The following RABGAP1L variants were observed in gnomAD, a reference collection of about 807,000 sequenced individuals.
RABGAP1L encodes rab GTPase-activating protein 1-like.
In RABGAP1L, 63 loss-of-function variants were observed where a neutral mutation model predicts 137.7. The ratio of observed to expected loss-of-function variants is 0.46; its 90% CI spans 0.37 to 0.56. The LOEUF is 0.56. Among genes scored for constraint, RABGAP1L ranks in the 20% least tolerant of loss-of-function variants. RABGAP1L has a pLI of 0.00. For missense variants in RABGAP1L, 1,095 were observed against 1,244.0 expected, an observed-to-expected ratio of 0.88 and a Z score of 1.80; for synonymous variants, 431 against 433.7, an observed-to-expected ratio of 0.99 and a Z score of 0.08.
chr1:174,576,830 T>C (rs1238698340), intron 13 of RABGAP1L, among the ~76,000 whole-genome samples: 1 of 152,088 alleles, frequency 6.6e-6, no homozygotes, highest in African/African-American at 2.4e-5. Context: ...TCTGTAAAGG[T>C]TATGCAGAAA....
At chr1:174,224,138 G>A (rs1011386230) in intron 3 of RABGAP1L, among the ~76,000 whole-genome samples, 3 of 152,124 alleles carry the variant, frequency 2.0e-5, no homozygotes, top group Non-Finnish European at 2.9e-5. Context: ...GGTAGGAAAA[G>A]CCAAATCACA....
At chr1:174,643,511 A>C (rs1674700133) in intron 14 of RABGAP1L, among the ~76,000 whole-genome samples, 1 of 152,170 alleles carries the variant, frequency 6.6e-6, no homozygotes, top group Admixed American at 6.5e-5. Flanking sequence ...CAAGCAAATT[A>C]ACTTCCTTAC....
intron 13 of RABGAP1L, among the ~76,000 whole-genome samples, chr1:174,394,848 T>C (rs1469924932): frequency 1.3e-5 from 2 of 152,096 alleles, no homozygotes; most frequent in Non-Finnish European, 2.9e-5. Context: ...TTTAGAACTT[T>C]TTATCTGCTG....
chr1:174,915,614 G>A (rs1660734332), intron 19 of RABGAP1L, among the ~76,000 whole-genome samples: 1 of 152,070 alleles, frequency 6.6e-6, no homozygotes, highest in African/African-American at 2.4e-5. Context: ...ACGCCACCAC[G>A]TCCAGCTAAT....
chr1:174,677,638 T>C (rs1677741524), intron 14 of RABGAP1L, among the ~76,000 whole-genome samples: 1 of 152,184 alleles, frequency 6.6e-6, no homozygotes. Context: ...ATTGCCTAGA[T>C]CTTCACAGAA....
intron 20 of RABGAP1L, among the ~76,000 whole-genome samples, chr1:174,967,119 A>C (rs999833771): frequency 6.6e-6 from 1 of 151,234 alleles, no homozygotes; most frequent in Non-Finnish European, 1.5e-5. Flanking sequence ...TTTCCCCCCT[A>C]CAAGGAAGGC....
intron 10 of RABGAP1L, among the ~76,000 whole-genome samples, chr1:174,304,198 T>TAGTGGATTATTAATA: frequency 6.6e-6 from 1 of 152,148 alleles, no homozygotes; most frequent in Non-Finnish European, 1.5e-5. Flanking sequence ...GTCTTTCTTC[T>TAGTGGATTATTAATA]TTAGTCTATT....
chr1:174,276,761 G>C (rs1675038175), intron 9 of RABGAP1L, among the ~76,000 whole-genome samples: 1 of 151,902 alleles, frequency 6.6e-6, no homozygotes, highest in African/African-American at 2.4e-5. Flanking sequence ...ATCATGTCTA[G>C]TATTGAACAG....
At chr1:174,774,753 G>A (rs891391011) in intron 18 of RABGAP1L, among the ~76,000 whole-genome samples, 12 of 152,068 alleles carry the variant, frequency 7.9e-5, no homozygotes, top group African/African-American at 2.9e-4. Flanking sequence ...GATGGCACGT[G>A]CCTGTAGTCT....
chr1:174,326,450 A>G (rs1017236141), intron 11 of RABGAP1L, among the ~76,000 whole-genome samples: 2 of 152,178 alleles, frequency 1.3e-5, no homozygotes, highest in East Asian at 3.9e-4. Context: ...AGCAGAATTC[A>G]TCAAGCAGAC....
At chr1:174,161,401 C>A (rs1317326802) in intron 1 of RABGAP1L, among the ~76,000 whole-genome samples, 1 of 152,092 alleles carries the variant, frequency 6.6e-6, no homozygotes, top group African/African-American at 2.4e-5. Context: ...CGCCGCCACG[C>A]CTGGCTAATT....
chr1:174,418,241 C>T (rs1174894009), intron 13 of RABGAP1L, among the ~76,000 whole-genome samples: 2 of 152,206 alleles, frequency 1.3e-5, no homozygotes, highest in Non-Finnish European at 2.9e-5. Context: ...CTTGAATTAC[C>T]TTCTTTCCTA....
At chr1:174,202,495 GTTGT>G (rs1157388616) in intron 1 of RABGAP1L, among the ~76,000 whole-genome samples, 12 of 152,208 alleles carry the variant, frequency 7.9e-5, no homozygotes, top group East Asian at 5.8e-4. Context: ...TTTTGATGGG[GTTGT>G]TTGTTTTTTT....
At chr1:174,717,801 G>A (rs1681148910) in intron 17 of RABGAP1L, among the ~76,000 whole-genome samples, 2 of 152,148 alleles carry the variant, frequency 1.3e-5, no homozygotes, top group African/African-American at 4.8e-5. Context: ...GGTTCTATGA[G>A]AGTCTTTTTC....
intron 7 of RABGAP1L, among the ~76,000 whole-genome samples, chr1:174,255,978 A>G (rs1011032366): frequency 2.0e-5 from 3 of 152,224 alleles, no homozygotes; most frequent in African/African-American, 7.2e-5. Flanking sequence ...ACATCACCAC[A>G]GTATACTTAT....
intron 19 of RABGAP1L, among the ~76,000 whole-genome samples, chr1:174,870,130 T>A (rs1310260014): frequency 6.6e-6 from 1 of 152,208 alleles, no homozygotes; most frequent in Non-Finnish European, 1.5e-5. Flanking sequence ...AATTTAGTAA[T>A]CTTCAATGAC....
At chr1:174,772,759 C>G (rs1222677564) in intron 18 of RABGAP1L, among the ~76,000 whole-genome samples, 1 of 151,970 alleles carries the variant, frequency 6.6e-6, no homozygotes, top group Non-Finnish European at 1.5e-5. Flanking sequence ...CCCCTTAGCC[C>G]CTGGCAGTCA....
At chr1:174,865,182 A>G (rs1650988521) in intron 19 of RABGAP1L, among the ~76,000 whole-genome samples, 2 of 152,212 alleles carry the variant, frequency 1.3e-5, no homozygotes, top group Non-Finnish European at 2.9e-5. Flanking sequence ...TATTAGCAGT[A>G]AAAAGAACAC....
At chr1:174,544,565 T>C (rs1294080711) in intron 13 of RABGAP1L, among the ~76,000 whole-genome samples, 1 of 152,206 alleles carries the variant, frequency 6.6e-6, no homozygotes, top group Admixed American at 6.5e-5. Context: ...CTCGGATAAG[T>C]TCGTTATTAC....
Sources: gnomAD v4.1 joint callset for allele counts (sites outside exome capture counted in the v4.1 genomes callset) on GRCh38, gnomAD v4.1.1 for gene constraint, MANE v1.5 for transcripts, NCBI Gene and HGNC (gene_info 2026-07-23, HGNC 2026-07-21) for gene names.